The following GNRHR variants were observed in gnomAD, a reference collection of about 807,000 sequenced individuals.
GNRHR encodes gonadotropin-releasing hormone receptor.
In GNRHR, 14 loss-of-function variants were observed where a neutral mutation model predicts 28.1. The ratio of observed to expected loss-of-function variants is 0.50; its 90% CI spans 0.33 to 0.78. The LOEUF (loss-of-function observed/expected upper bound fraction) is 0.78. Ranked by LOEUF, GNRHR falls within the 30% of genes least tolerant of loss-of-function variation. GNRHR has a pLI of 0.02. For missense variants in GNRHR, 366 were observed against 382.1 expected (o/e 0.96, Z 0.35); for synonymous variants, 141 against 140.5 (o/e 1.00, Z -0.02).
intron 1 of GNRHR, among the ~76,000 whole-genome samples, chr4:67,745,778 G>A (rs552722831): frequency 2.6e-5 from 4 of 152,094 alleles, no homozygotes; most frequent in Non-Finnish European, 4.4e-5. Flanking sequence ...GTCTCCTTAT[G>A]TAATGCATTG....
chr4:67,753,789 A>C, intron 1 of GNRHR, 25 bp downstream of exon 1: 1 of 1,587,816 alleles, frequency 6.3e-7, no homozygotes, highest in Non-Finnish European at 8.6e-7. Flanking sequence ...ACCATATCCA[A>C]ATAAGTTTGT....
chr4:67,751,170 A>C (rs1731859345), intron 1 of GNRHR, among the ~76,000 whole-genome samples: 1 of 152,182 alleles, frequency 6.6e-6, no homozygotes, highest in Non-Finnish European at 1.5e-5. Flanking sequence ...ATTTCATCAA[A>C]ATTTTTTCTC....
In GNRHR at chr4:67,740,742, G is replaced by A; in HGVS notation, c.743-18C>T. 1.2e-6 allele frequency: 2 copies of A among 1,603,734 alleles called. No homozygotes were observed. Among genetic ancestry groups the A allele is most frequent in the Non-Finnish European group, 1.7e-6 (2 of 1,170,606 alleles). ...TTGTAGTTCTGTTGGATAGAGAAAA[G>A]AGCAGGTGTTTAAAGATCAGTTTTC... On this transcript the variant is annotated intron_variant, in intron 2 of 2. Transcript: ENST00000226413.
Position 67,740,238 on chromosome 4 carries a change from C to T in GNRHR, c.*242G>A. On this transcript the variant is annotated 3_prime_UTR_variant, in exon 3 of 3. Transcript: ENST00000226413. Reference sequence around the variant, plus strand: ...ACCTACATAATGTGTTATATGAGGTCAGAAAAGGCAGAGATTAATTTAGAA... The same window carrying T: ...ACCTACATAATGTGTTATATGAGGTTAGAAAAGGCAGAGATTAATTTAGAA... 1 of 454,002 alleles carries T rather than the reference C, an allele frequency of 2.2e-6. No homozygotes were observed. The highest frequency in any genetic ancestry group is 4.0e-6 in the Non-Finnish European group (1 of 249,394). The allele number at this position is 454,002 out of a possible 1,614,324, so 28.1% of individuals were successfully genotyped here. A position where few individuals can be genotyped will look rare whatever the true frequency, so the allele number is the denominator to read the frequency against.
At chr4:67,746,295 A>G (rs911058885) in intron 1 of GNRHR, among the ~76,000 whole-genome samples, 9 of 152,148 alleles carry the variant, frequency 5.9e-5, no homozygotes, top group Non-Finnish European at 1.3e-4. Flanking sequence ...ATCCAGAAAT[A>G]TGTATGATTC....
At chr4:67,747,047 A>C (rs1468154637) in intron 1 of GNRHR, among the ~76,000 whole-genome samples, 3 of 152,152 alleles carry the variant, frequency 2.0e-5, no homozygotes, top group Non-Finnish European at 4.4e-5. Flanking sequence ...TTTAAAGTTC[A>C]GCTTTGAATT....
chr4:67,743,262 A>G (rs1485569363), intron 2 of GNRHR, among the ~76,000 whole-genome samples: 1 of 152,180 alleles, frequency 6.6e-6, no homozygotes, highest in Non-Finnish European at 1.5e-5. Flanking sequence ...TTCACACACT[A>G]TCGTTTAATC....
At position 67,740,539 on chromosome 4, in the gene GNRHR, G is replaced by C; in HGVS notation, c.928C>G (p.Leu310Val). Residue 310 changes from leucine (L) to valine (V), a missense_variant, in exon 3 of 3, where the codon CTC becomes GTC. Transcript: ENST00000226413. ...AAGCATGGGTTTAAAAAGGCAAAGAGAAAGAAGAAGTGATTTACTGGGTCT... is the reference window on the plus strand; with the variant it reads ...AAGCATGGGTTTAAAAAGGCAAAGACAAAGAAGAAGTGATTTACTGGGTCT... ...LSDPVNHFFFLFAFLNPCFDP... is the reference protein window; with the variant it reads ...LSDPVNHFFFVFAFLNPCFDP... 6.2e-7 allele frequency: 1 copy of C among 1,605,960 alleles called. No homozygotes were observed. The highest frequency in any genetic ancestry group is 8.5e-7 in the Non-Finnish European group (1 of 1,172,610).
At position 67,754,116 on chromosome 4, in the gene GNRHR, A is replaced by G. The variant is rs775398689; in HGVS notation, c.220T>C (p.Ser74Pro). 15 of 1,614,184 alleles carry G rather than the reference A, an allele frequency of 9.3e-6. No individual in the cohort carries two copies. The Admixed American group carries it at 2.5e-4, about 27-fold the overall frequency. ...TQKKEKGKKL[S>P]RMKLLLKHLT... ...TGTTTTAAGAGCAGCTTCATTCTTG[A>G]GAGCTTTTTCCCTTTCTCTTTCTTC... The change falls in exon 1 of 3, where the codon TCA becomes CCA. Residue 74 changes from serine to proline, a missense_variant. By Grantham distance (74) the Ser-to-Pro change is moderately conservative (BLOSUM62 -1). Coordinates refer to ENST00000226413, the MANE Select transcript of GNRHR (RefSeq NM_000406.3).
intron 2 of GNRHR, among the ~76,000 whole-genome samples, chr4:67,743,839 G>T (rs776340001): frequency 6.6e-6 from 1 of 152,134 alleles, no homozygotes; most frequent in African/African-American, 2.4e-5. Context: ...CCCTATTAGA[G>T]AGCATCACCA....
intron 1 of GNRHR, among the ~76,000 whole-genome samples, chr4:67,746,632 T>G (rs1455601747): frequency 6.6e-6 from 1 of 152,046 alleles, no homozygotes; most frequent in African/African-American, 2.4e-5. Flanking sequence ...GATTCCATTT[T>G]TTTAAAGTTT....
At position 67,746,659 on chromosome 4, in the gene GNRHR, A is replaced by T. The variant is rs1394662561; in HGVS notation, c.523-1872T>A. ...TTAAAGTTTTTGATTGAATTAGAAA[A>T]TTTTAATTACAATATTAAGAAACAT... On this transcript the variant is annotated intron_variant, in intron 1 of 2. Transcript: ENST00000226413. 3.9e-5 allele frequency among the ~76,000 whole-genome samples: 6 copies of T among 151,964 alleles called. 1 individual carries two copies. The highest frequency in any genetic ancestry group is 6.6e-5 in the Admixed American group (1 of 15,216).
At chr4:67,750,101 T>C (rs1302140478) in intron 1 of GNRHR, among the ~76,000 whole-genome samples, 1 of 152,190 alleles carries the variant, frequency 6.6e-6, no homozygotes, top group Non-Finnish European at 1.5e-5. Context: ...TTGTATGACT[T>C]ATTCTTTACA....
At chr4:67,751,555 A>G (rs998961754) in intron 1 of GNRHR, 70 of 152,346 alleles carry the variant, frequency 4.6e-4, no homozygotes, top group African/African-American at 1.6e-3. Flanking sequence ...TAAACAATTC[A>G]AAGTTAAGTT....
Position 67,752,385 on chromosome 4 carries a change from A to AT in GNRHR, c.522+1428dup, listed in dbSNP as rs34395273. Among the ~76,000 whole-genome samples, 122 of 150,082 alleles carry AT rather than the reference A, an allele frequency of 8.1e-4. 1 individual carries two copies. Among genetic ancestry groups the AT allele is most frequent in the South Asian group, 2.1e-3 (10 of 4,698 alleles). On this transcript the variant is annotated intron_variant, in intron 1 of 2. Coordinates refer to ENST00000226413, the MANE Select transcript of GNRHR (RefSeq NM_000406.3). ...GGTCATCATGACCAGCATTTAAGCA[A>AT]TTTTTTTTTTAATAATTTGTTGATA... is the stretch of plus-strand genomic sequence containing the variant.
intron 1 of GNRHR, among the ~76,000 whole-genome samples, chr4:67,746,283 G>T (rs1731753203): frequency 6.6e-6 from 1 of 151,990 alleles, no homozygotes; most frequent in South Asian, 2.1e-4. Context: ...CTGGGTGAAG[G>T]TATCCAGAAA....
rs542751286 is a variant in GNRHR at position 67,749,185 on chromosome 4, C to T, written c.523-4398G>A. Reference sequence around the variant, plus strand: ...GTGATAATATTTATTGAATTTAAACCGTTGGCCAATGTCAGTAGTGCATTC... The same window carrying T: ...GTGATAATATTTATTGAATTTAAACTGTTGGCCAATGTCAGTAGTGCATTC... On this transcript the variant is annotated intron_variant, in intron 1 of 2. Coordinates refer to ENST00000226413, the MANE Select transcript of GNRHR (RefSeq NM_000406.3). 1.0e-3 allele frequency among the ~76,000 whole-genome samples: 156 copies of T among 152,044 alleles called. 1 individual carries two copies. The highest frequency in any genetic ancestry group is 9.1e-4 in the Non-Finnish European group (62 of 67,946).
intron 1 of GNRHR, chr4:67,753,502 T>A (rs1731907949): frequency 3.7e-6 from 1 of 270,044 alleles, no homozygotes; most frequent in Admixed American, 4.8e-5. Context: ...AGAATCGCAT[T>A]TTTTTTGGGG....
chr4:67,742,693 A>T (rs1301393991), intron 2 of GNRHR, among the ~76,000 whole-genome samples: 1 of 152,218 alleles, frequency 6.6e-6, no homozygotes, highest in African/African-American at 2.4e-5. Flanking sequence ...TCAAGTAAGA[A>T]ATACTCTTCA....
Sources: gnomAD v4.1 joint callset for allele counts (sites outside exome capture counted in the v4.1 genomes callset) on GRCh38, gnomAD v4.1.1 for gene constraint, MANE v1.5 for transcripts, NCBI Gene and HGNC (gene_info 2026-07-23, HGNC 2026-07-21) for gene names.